The following TVP23A variants were observed in gnomAD, a reference collection of about 807,000 sequenced individuals.
TVP23A encodes trans-golgi network vesicle protein 23 homolog A, also known as Golgi apparatus membrane protein TVP23 homolog A.
A neutral mutation model predicts 31.7 loss-of-function variants in TVP23A; 21 were observed. That is an observed-to-expected ratio of 0.66 (90% confidence interval 0.47 to 0.95). The LOEUF (loss-of-function observed/expected upper bound fraction) is 0.95. Ranked by LOEUF, TVP23A falls within the 40% of genes least tolerant of loss-of-function variation. The probability of loss-of-function intolerance (pLI) is 0.00; values close to 1 mark genes in which losing one functional copy is unlikely to be tolerated. For missense variants in TVP23A, 279 were observed against 255.6 expected (o/e 1.09, Z -0.62); for synonymous variants, 104 against 96.0 (o/e 1.08, Z -0.49).
intron 2 of TVP23A, among the ~76,000 whole-genome samples, chr16:10,798,492 G>A (rs78948544): frequency 0.028 from 4,280 of 152,262 alleles, 185 homozygotes; most frequent in African/African-American, 0.094. Context: ...GCCAGCCTCT[G>A]AGATGGCCAC....
downstream of TVP23A, among the ~76,000 whole-genome samples, chr16:10,762,873 G>A (rs972993934): frequency 1.7e-4 from 26 of 152,092 alleles, no homozygotes; most frequent in South Asian, 4.1e-4. Flanking sequence ...AGGCCACGTG[G>A]GGAGCCTTGG....
Position 10,774,059 on chromosome 16 carries a change from A to C in TVP23A, c.304T>G (p.Trp102Gly), listed in dbSNP as rs2031822807. Residue 102 changes from tryptophan (W) to glycine (G), a missense_variant, in exon 4 of 8, where the codon TGG becomes GGG. Transcript: ENST00000299866. ...NQIDEDGKSHWIFEARKVSPN... is the reference protein window; with the variant it reads ...NQIDEDGKSHGIFEARKVSPN... Reference sequence around the variant, plus strand: ...AATACCTTCCTGGCTTCAAAGATCCAGTGGCTCTTCCCATCTTCATCTATC... The same window carrying C: ...AATACCTTCCTGGCTTCAAAGATCCCGTGGCTCTTCCCATCTTCATCTATC... 1.9e-6 allele frequency: 3 copies of C among 1,611,858 alleles called. No individual in the cohort carries two copies. Among genetic ancestry groups the C allele is most frequent in the Non-Finnish European group, 2.5e-6 (3 of 1,179,118 alleles).
chr16:10,763,968 ATC>A (rs1368116098), downstream of TVP23A: 1 of 191,716 alleles, frequency 5.2e-6, no homozygotes, highest in Admixed American at 6.5e-5. Context: ...CCACAGGAGT[ATC>A]TCAGGCCACG....
intron 2 of TVP23A, among the ~76,000 whole-genome samples, chr16:10,816,477 G>A (rs1184268826): frequency 6.6e-6 from 1 of 152,030 alleles, no homozygotes; most frequent in Non-Finnish European, 1.5e-5. Flanking sequence ...GAGATTACAG[G>A]TGCATGCCAC....
intron 2 of TVP23A, among the ~76,000 whole-genome samples, chr16:10,805,893 G>C (rs577936874): frequency 3.3e-5 from 5 of 152,142 alleles, no homozygotes; most frequent in African/African-American, 1.2e-4. Flanking sequence ...TTCTCAAAGA[G>C]GTGGGCGATC....
chr16:10,818,056 A>G lies in TVP23A; in HGVS notation c.89+47T>C. On this transcript the variant is annotated intron_variant, in intron 2 of 7. Transcript: ENST00000299866. The surrounding 1 kb of genome is among the most constrained non-coding windows in gnomAD (Gnocchi z 4.7). Reference sequence around the variant, plus strand: ...AATGAATGAGTGAGTAAATGAATGAATTTGCAGCTTTGGGGAACGCCTGAC... The same window carrying G: ...AATGAATGAGTGAGTAAATGAATGAGTTTGCAGCTTTGGGGAACGCCTGAC... 6.7e-7 allele frequency: 1 copy of G among 1,486,908 alleles called. No homozygotes were observed. The highest frequency in any genetic ancestry group is 2.3e-5 in the East Asian group (1 of 42,684). 92.1% of individuals were successfully genotyped at this position (1,486,908 alleles called of 1,614,324 possible). A position where few individuals can be genotyped will look rare whatever the true frequency, so the allele number is the denominator to read the frequency against.
At chr16:10,775,949 A>G (rs1198360512) in intron 2 of TVP23A, among the ~76,000 whole-genome samples, 1 of 150,522 alleles carries the variant, frequency 6.6e-6, no homozygotes, top group Non-Finnish European at 1.5e-5. Context: ...GGATTTCAAC[A>G]TGTTGGCCAG....
chr16:10,810,550 A>T (rs1483622499), intron 2 of TVP23A, among the ~76,000 whole-genome samples: 1 of 150,042 alleles, frequency 6.7e-6, no homozygotes, highest in Non-Finnish European at 1.5e-5. Context: ...CTGTCTCAAA[A>T]AAAAAAAAAA....
chr16:10,769,302 G>A, intron 7 of TVP23A: 1 of 541,298 alleles, frequency 1.8e-6, no homozygotes, highest in Non-Finnish European at 3.3e-6. Flanking sequence ...ATATATAAAG[G>A]GCATTCTCTA....
At position 10,768,463 on chromosome 16, in the gene TVP23A, C is replaced by G; in HGVS notation, c.*639G>C. 1 of 160,104 alleles carries G rather than the reference C, an allele frequency of 6.2e-6. No individual in the cohort carries two copies. Among genetic ancestry groups the G allele is most frequent in the Non-Finnish European group, 1.4e-5 (1 of 73,254 alleles). The allele number at this position is 160,104 out of a possible 1,614,324, so 9.9% of individuals were successfully genotyped here. A position where few individuals can be genotyped will look rare whatever the true frequency, so the allele number is the denominator to read the frequency against. Reference sequence around the variant, plus strand: ...CTCTACTAAAAATATGAAAATTAGCCGGGTGTGGTGGCGCATGCCTGTAGT... The same window carrying G: ...CTCTACTAAAAATATGAAAATTAGCGGGGTGTGGTGGCGCATGCCTGTAGT... On this transcript the variant is annotated 3_prime_UTR_variant, in exon 8 of 8. Coordinates refer to ENST00000299866, the MANE Select transcript of TVP23A (RefSeq NM_001079512.4). The surrounding 1 kb of genome is among the most constrained non-coding windows in gnomAD (Gnocchi z 4.3).
chr16:10,792,070 CA>C (rs1421014596), intron 2 of TVP23A, among the ~76,000 whole-genome samples: 2 of 152,242 alleles, frequency 1.3e-5, no homozygotes, highest in Non-Finnish European at 2.9e-5. Flanking sequence ...CTATGTAAAT[CA>C]GACACCACCT....
intron 2 of TVP23A, among the ~76,000 whole-genome samples, chr16:10,815,884 T>A (rs747409748): frequency 6.6e-5 from 10 of 152,186 alleles, no homozygotes; most frequent in Non-Finnish European, 1.3e-4. Flanking sequence ...CCCTTAAAGA[T>A]AATCATTGGC....
intron 2 of TVP23A, among the ~76,000 whole-genome samples, chr16:10,781,074 A>G (rs528723130): frequency 6.6e-6 from 1 of 152,280 alleles, no homozygotes; most frequent in East Asian, 1.9e-4. Context: ...AACGCCTATA[A>G]TCCCAGCACT....
intron 5 of TVP23A, among the ~76,000 whole-genome samples, chr16:10,772,147 C>G (rs1052758451): frequency 3.3e-5 from 5 of 152,222 alleles, no homozygotes; most frequent in Non-Finnish European, 7.3e-5. Context: ...CCAACATTTA[C>G]TGAGCATTTG....
rs537538301 is a variant in TVP23A at position 10,784,027 on chromosome 16, A to G, written c.90-8931T>C. On this transcript the variant is annotated intron_variant, in intron 2 of 7. Transcript: ENST00000299866. ...TGATGGAGGACTTTTGACATTACACATTTGCCAAAACTCATAGAATGGGCT... is the reference window on the plus strand; with the variant it reads ...TGATGGAGGACTTTTGACATTACACGTTTGCCAAAACTCATAGAATGGGCT... Among the ~76,000 whole-genome samples, 26 of 152,002 alleles carry G rather than the reference A, an allele frequency of 1.7e-4. No individual in the cohort carries two copies. The East Asian group carries it at 1.9e-3, about 11-fold the overall frequency.
At chr16:10,813,907 G>GAGAAT (rs1053283048) in intron 2 of TVP23A, among the ~76,000 whole-genome samples, 4 of 143,040 alleles carry the variant, frequency 2.8e-5, no homozygotes, top group African/African-American at 1.0e-4. Context: ...GCTGAGGCAG[G>GAGAAT]AGAATCACTT....
At chr16:10,769,766 A>T (rs1040611893) in intron 7 of TVP23A, among the ~76,000 whole-genome samples, 10 of 152,170 alleles carry the variant, frequency 6.6e-5, no homozygotes, top group African/African-American at 2.4e-4. Context: ...GTGTCATGCA[A>T]ACCAACTTTC....
chr16:10,769,815 A>C (rs1348705248), intron 7 of TVP23A, among the ~76,000 whole-genome samples: 1 of 152,078 alleles, frequency 6.6e-6, no homozygotes, highest in Non-Finnish European at 1.5e-5. Context: ...ACAGATGTAA[A>C]CTCTACGATC....
At chr16:10,783,593 T>G (rs2032555840) in intron 2 of TVP23A, among the ~76,000 whole-genome samples, 1 of 152,120 alleles carries the variant, frequency 6.6e-6, no homozygotes, top group Non-Finnish European at 1.5e-5. Context: ...TGAGAATCAC[T>G]TGAACCCAAG....
Sources: gnomAD v4.1 joint callset for allele counts (sites outside exome capture counted in the v4.1 genomes callset) on GRCh38, gnomAD v4.1.1 for gene constraint, Gnocchi (gnomAD v3.1) non-coding constraint, MANE v1.5 for transcripts, NCBI Gene and HGNC (gene_info 2026-07-23, HGNC 2026-07-21) for gene names.